The following RBM26 variants were observed in gnomAD, a reference collection of about 807,000 sequenced individuals.
RBM26 encodes the protein RNA binding motif protein 26, also known as RNA-binding protein 26.
Under a neutral mutation model 123.6 loss-of-function variants are expected in RBM26, and 30 were observed. That is an observed-to-expected ratio of 0.24 (90% CI 0.18 to 0.33). The LOEUF is 0.33. Among genes scored for constraint, RBM26 ranks in the 10% least tolerant of loss-of-function variants. The pLI is 1.00. For missense variants in RBM26, 947 were observed against 1,203.6 expected (o/e 0.79, Z 3.15); for synonymous variants, 400 against 404.4 (o/e 0.99, Z 0.13).
intron 18 of RBM26, among the ~76,000 whole-genome samples, chr13:79,339,902 A>T (rs963576841): frequency 2.0e-5 from 3 of 152,140 alleles, no homozygotes; most frequent in Non-Finnish European, 4.4e-5. Flanking sequence ...TACTGCATAA[A>T]ACTAATATTC....
intron 14 of RBM26, among the ~76,000 whole-genome samples, chr13:79,349,126 C>T (rs1026772239): frequency 1.3e-5 from 2 of 152,130 alleles, no homozygotes; most frequent in African/African-American, 2.4e-5. Flanking sequence ...GTACAACATG[C>T]TGTTTGAAAT....
downstream of RBM26, chr13:79,315,069 T>C (rs558625869): frequency 4.1e-4 from 333 of 815,928 alleles, 4 homozygotes; most frequent in South Asian, 5.0e-3. Flanking sequence ...CATCATAAAT[T>C]GACCTCCAAC....
chr13:79,398,498 A>C (rs2078784088), intron 1 of RBM26, among the ~76,000 whole-genome samples: 1 of 152,220 alleles, frequency 6.6e-6, no homozygotes, highest in South Asian at 2.1e-4. Flanking sequence ...AATTTATCAC[A>C]AGTTAAGGGG....
chr13:79,375,060 T>TG (rs1365519035), intron 3 of RBM26, among the ~76,000 whole-genome samples: 2 of 141,492 alleles, frequency 1.4e-5, no homozygotes, highest in African/African-American at 5.4e-5. Context: ...TATATTTATA[T>TG]TTTTATATAT....
At chr13:79,334,208 G>T (rs2069920791) in intron 20 of RBM26, 136 bp downstream of exon 20, 1 of 528,508 alleles carries the variant, frequency 1.9e-6, no homozygotes, top group Non-Finnish European at 3.3e-6. Flanking sequence ...TTGAGGGCAT[G>T]AATTCCACTT....
chr13:79,355,209 T>A lies in RBM26; in HGVS notation c.1854+11A>T, dbSNP rs780692253. 1.9e-6 allele frequency: 3 copies of A among 1,612,132 alleles called. No homozygotes were observed. The South Asian group carries it at 3.3e-5, about 18-fold the overall frequency. Reference sequence around the variant, plus strand: ...GAAATGCGCGTACTTTTACACAAATTCCTCTCTTACCTTTGGAGAAGTAGT... The same window carrying A: ...GAAATGCGCGTACTTTTACACAAATACCTCTCTTACCTTTGGAGAAGTAGT... On this transcript the variant is annotated intron_variant, in intron 12 of 21. Coordinates refer to ENST00000438737, the MANE Select transcript of RBM26 (RefSeq NM_001366735.2).
chr13:79,322,926 A>AAT (rs2067855142), intron 20 of RBM26, among the ~76,000 whole-genome samples: 1 of 151,452 alleles, frequency 6.6e-6, no homozygotes, highest in East Asian at 1.9e-4. Flanking sequence ...AATGGTATAT[A>AAT]ATTATTAATC....
At chr13:79,395,673 A>T (rs2078496587) in intron 1 of RBM26, among the ~76,000 whole-genome samples, 1 of 152,142 alleles carries the variant, frequency 6.6e-6, no homozygotes, top group Non-Finnish European at 1.5e-5. Flanking sequence ...TGAGCCCAGG[A>T]GGTCCAGTCC....
Position 79,363,165 on chromosome 13 carries a change from T to G in RBM26, c.1417+2413A>C, listed in dbSNP as rs548863881. Among the ~76,000 whole-genome samples the G allele has an allele frequency of 7.2e-5, 11 of 152,310 alleles. No homozygotes were observed. In the South Asian group the frequency reaches 2.1e-3, roughly 29 times the overall value. On this transcript the variant is annotated intron_variant, in intron 9 of 21. Transcript: ENST00000438737. ...TTCAATGCATCAAAGGGCCCAAATT[T>G]CTTTCCTTTTGCTGAATAATTGCCC...
chr13:79,392,523 A>T (rs1434621933), intron 1 of RBM26, among the ~76,000 whole-genome samples: 1 of 146,570 alleles, frequency 6.8e-6, no homozygotes, highest in Admixed American at 6.9e-5. Context: ...TTATATAATT[A>T]TATGTTATAT....
intron 1 of RBM26, among the ~76,000 whole-genome samples, chr13:79,387,513 T>C (rs1010615635): frequency 1.3e-5 from 2 of 151,928 alleles, no homozygotes; most frequent in Non-Finnish European, 2.9e-5. Flanking sequence ...TCACTAGTTA[T>C]ATAATCCTGC....
At position 79,405,649 on chromosome 13, in the gene RBM26, G is replaced by A. The variant is rs1436542753; in HGVS notation, c.71+55C>T. 2.6e-5 allele frequency: 34 copies of A among 1,297,664 alleles called. No individual in the cohort carries two copies. In the Admixed American group the frequency reaches 6.3e-4, roughly 24 times the overall value. 80.4% of individuals were successfully genotyped at this position (1,297,664 alleles called of 1,614,324 possible). On this transcript the variant is annotated intron_variant, in intron 1 of 21. Transcript: ENST00000438737. ...CTTGGGGAAACTGCACAGATCTCTG[G>A]GTCCGCCTATCTCCCACTGCCATCC... is the stretch of plus-strand genomic sequence containing the variant.
intron 9 of RBM26, among the ~76,000 whole-genome samples, chr13:79,362,671 C>G (rs1020840677): frequency 6.6e-6 from 1 of 152,182 alleles, no homozygotes; most frequent in Admixed American, 6.5e-5. Context: ...GTCTGGTTCA[C>G]CAGCCCTTTT....
At chr13:79,388,921 T>A (rs370262448) in intron 1 of RBM26, among the ~76,000 whole-genome samples, 1 of 152,202 alleles carries the variant, frequency 6.6e-6, no homozygotes, top group Admixed American at 6.5e-5. Flanking sequence ...GTACCTGTTA[T>A]TGCATTTATA....
chr13:79,388,704 C>G (rs115182991), intron 1 of RBM26, among the ~76,000 whole-genome samples: 2,962 of 152,248 alleles, frequency 0.019, 101 homozygotes, highest in African/African-American at 0.067. Context: ...ACTTTAGAGA[C>G]TGGTAACTGC....
chr13:79,351,555 T>C (rs2073218492), intron 14 of RBM26, among the ~76,000 whole-genome samples: 1 of 142,878 alleles, frequency 7.0e-6, no homozygotes, highest in African/African-American at 2.7e-5. Context: ...TGGGAGATGT[T>C]AGAGAGACTT....
chr13:79,317,591 CTT>C (rs2067270300), downstream of RBM26, among the ~76,000 whole-genome samples: 1 of 151,636 alleles, frequency 6.6e-6, no homozygotes, highest in South Asian at 2.1e-4. Context: ...ACTGGTGGCT[CTT>C]AGCATTTCTA....
Position 79,342,829 on chromosome 13 carries a change from C to T in RBM26, c.2262G>A (p.Met754Ile), listed in dbSNP as rs2071637720. Residue 754 changes from methionine (M) to isoleucine (I), a missense_variant and splice_region_variant, in exon 17 of 22, where the codon ATG (methionine) becomes ATA (isoleucine). By Grantham distance (10) the Met-to-Ile change is conservative. Coordinates refer to ENST00000438737, the MANE Select transcript of RBM26 (RefSeq NM_001366735.2). ...ILEKHIETQKMLISKLEKNKT... is the reference protein window; with the variant it reads ...ILEKHIETQKILISKLEKNKT... ...TGTTTTTCTCCAGTTTTGAAATTAA[C>T]ATCTGCCAAATTTTTAAAAAGAGAA... is the stretch of plus-strand genomic sequence containing the variant. 6.3e-7 allele frequency: 1 copy of T among 1,576,120 alleles called. No individual in the cohort carries two copies. The highest frequency in any genetic ancestry group is 8.6e-7 in the Non-Finnish European group (1 of 1,159,274).
intron 11 of RBM26, among the ~76,000 whole-genome samples, chr13:79,357,433 T>A (rs1422707486): frequency 6.6e-6 from 1 of 151,916 alleles, no homozygotes; most frequent in East Asian, 1.9e-4. Flanking sequence ...TTTCACCATA[T>A]CACATAATAT....
Sources: gnomAD v4.1 joint callset for allele counts (sites outside exome capture counted in the v4.1 genomes callset) on GRCh38, gnomAD v4.1.1 for gene constraint, MANE v1.5 for transcripts, NCBI Gene and HGNC (gene_info 2026-07-23, HGNC 2026-07-21) for gene names.